Variants in LRRC43 observed in about 807,000 individuals in gnomAD.
LRRC43 encodes leucine-rich repeat-containing protein 43.
A neutral mutation model predicts 64.3 loss-of-function variants in LRRC43; 62 were observed. The observed-to-expected ratio is 0.96, with a 90% CI of 0.79 to 1.19. The LOEUF (loss-of-function observed/expected upper bound fraction) is 1.19. LRRC43 is among the 50% of genes most tolerant of loss of function. The pLI, the probability that LRRC43 is intolerant of heterozygous loss-of-function variation, is 0.00. For missense variants in LRRC43, 868 were observed against 845.0 expected (o/e 1.03, Z -0.34); for synonymous variants, 422 against 382.3 (o/e 1.10, Z -1.21).
chr12:122,178,724 C>T (rs1303280440), upstream of LRRC43, among the ~76,000 whole-genome samples: 4 of 150,420 alleles, frequency 2.7e-5, no homozygotes, highest in Non-Finnish European at 4.4e-5. Flanking sequence ...CTTGAGTAGC[C>T]GGGATTACAG....
At chr12:122,172,416 G>A in intron 1 of LRRC43, 1 of 1,610,640 alleles carries the variant, frequency 6.2e-7, no homozygotes, top group Non-Finnish European at 8.5e-7. Flanking sequence ...ATGGCCTTAA[G>A]TGGTGGCCTG....
chr12:122,191,560 T>G lies in LRRC43; in HGVS notation c.1082T>G (p.Leu361Arg), dbSNP rs202189549. 163 of 1,613,542 alleles carry G rather than the reference T, an allele frequency of 1.0e-4. No individual in the cohort carries two copies. The African/African-American group carries it at 2.0e-3, about 20-fold the overall frequency. The part of the protein sequence containing the change: ...EGEMNESAGV[L>R]AEIVKPSPSL... Reference sequence around the variant, plus strand: ...GAAATGAATGAGTCCGCGGGCGTCCTGGCCGAGGTGTGCCCTGGTCTGTCC... The same window carrying G: ...GAAATGAATGAGTCCGCGGGCGTCCGGGCCGAGGTGTGCCCTGGTCTGTCC... The change falls in exon 6 of 12, where the codon CTG (leucine) becomes CGG (arginine). Residue 361 changes from leucine to arginine, a missense_variant. Leu to Arg is a moderately radical substitution (Grantham distance 102, BLOSUM62 -2). Transcript: ENST00000339777.
chr12:122,194,702 C>G (rs1953757843), intron 7 of LRRC43, among the ~76,000 whole-genome samples: 1 of 152,076 alleles, frequency 6.6e-6, no homozygotes, highest in Admixed American at 6.6e-5. Flanking sequence ...AACTCCTGAT[C>G]TCAAGCAATC....
At chr12:122,174,687 A>G (rs368957472) in intron 1 of LRRC43, among the ~76,000 whole-genome samples, 3 of 152,092 alleles carry the variant, frequency 2.0e-5, no homozygotes, top group Non-Finnish European at 2.9e-5. Flanking sequence ...GGACGGCCCC[A>G]TAACTGCTGT....
intron 1 of LRRC43, among the ~76,000 whole-genome samples, chr12:122,174,559 G>A (rs557359397): frequency 1.6e-4 from 24 of 152,332 alleles, no homozygotes; most frequent in African/African-American, 5.5e-4. Context: ...TGACTTCCAG[G>A]AGTTCAAGGC....
At chr12:122,191,613 G>A in intron 6 of LRRC43, 46 bp downstream of exon 6, 2 of 1,459,494 alleles carry the variant, frequency 1.4e-6, no homozygotes, top group East Asian at 4.7e-5. Flanking sequence ...TCTTGTGAAG[G>A]CTGAACTGCT....
Position 122,184,846 on chromosome 12 carries a change from G to A in LRRC43, c.411+67G>A. On this transcript the variant is annotated intron_variant, in intron 2 of 11. Transcript: ENST00000339777. The surrounding 1 kb of genome is among the most constrained non-coding windows in gnomAD (Gnocchi z 4.0). ...TCCCCTAAGGGAGGTTGTGGGGAGG[G>A]CACCCTTCCCCACAGCGCGTCAGGG... 6.6e-7 allele frequency: 1 copy of A among 1,519,378 alleles called. No homozygotes were observed. The allele number at this position is 1,519,378 out of a possible 1,614,324, so 94.1% of individuals were successfully genotyped here.
At chr12:122,174,916 C>T (rs976978307) in intron 1 of LRRC43, among the ~76,000 whole-genome samples, 1 of 151,628 alleles carries the variant, frequency 6.6e-6, no homozygotes, top group Non-Finnish European at 1.5e-5. Context: ...TCACTGCAAC[C>T]TCTGTCTCCT....
chr12:122,174,532 T>C (rs1953520063), intron 1 of LRRC43, among the ~76,000 whole-genome samples: 1 of 152,116 alleles, frequency 6.6e-6, no homozygotes, highest in Non-Finnish European at 1.5e-5. Flanking sequence ...GACACGACCA[T>C]ACCACCAAGG....
upstream of LRRC43, among the ~76,000 whole-genome samples, chr12:122,179,506 A>G (rs1187957273): frequency 1.3e-5 from 2 of 152,076 alleles, no homozygotes; most frequent in East Asian, 1.9e-4. Context: ...GTAGGAAGGA[A>G]CTACAGATGT....
upstream of LRRC43, chr12:122,167,736 T>G (rs1179390576): frequency 1.3e-5 from 2 of 152,144 alleles, no homozygotes; most frequent in Non-Finnish European, 2.9e-5. Flanking sequence ...GTCTGTGCTA[T>G]CCAATGAGGT....
At chr12:122,183,074 T>TGA, upstream of LRRC43, 1 of 1,495,992 alleles carries the variant, frequency 6.7e-7, no homozygotes, top group Non-Finnish European at 8.9e-7. Flanking sequence ...TCGGGGCAGG[T>TGA]GAGAGCGCCT....
chr12:122,192,907 T>C lies in LRRC43; in HGVS notation c.1252T>C (p.Ser418Pro). Residue 418 changes from serine (S) to proline (P), a missense_variant, in exon 7 of 12, where the codon TCG (serine) becomes CCG (proline). Transcript: ENST00000339777. ...ESGESELSVI[S>P]GPSTILQMPR... ...AGGAGAGTCGGAGCTGTCTGTCATC[T>C]CGGGGCCTTCGACCATCTTGCAGAT... The C allele has an allele frequency of 6.2e-7, 1 of 1,614,166 alleles. No individual in the cohort carries two copies. Among genetic ancestry groups the C allele is most frequent in the Non-Finnish European group, 8.5e-7 (1 of 1,180,028 alleles).
At chr12:122,172,281 T>A (rs1387230595) in intron 1 of LRRC43, 1 of 669,848 alleles carries the variant, frequency 1.5e-6, no homozygotes, top group Admixed American at 2.8e-5. Context: ...GACTAGCCCA[T>A]ATGAGGGGTC....
chr12:122,185,958 T>C (rs1033210562), intron 2 of LRRC43, among the ~76,000 whole-genome samples: 1 of 152,146 alleles, frequency 6.6e-6, no homozygotes, highest in South Asian at 2.1e-4. Flanking sequence ...ACACAGGTCA[T>C]TGGCCTAGAA....
In LRRC43 at chr12:122,184,841, G is replaced by T. The variant is rs1953624987; in HGVS notation, c.411+62G>T. ...GCCGCTCCCCTAAGGGAGGTTGTGG[G>T]GAGGGCACCCTTCCCCACAGCGCGT... On this transcript the variant is annotated intron_variant, in intron 2 of 11. Coordinates refer to ENST00000339777, the MANE Select transcript of LRRC43 (RefSeq NM_001098519.2). This position sits in a 1 kb window ranked among gnomAD's most constrained non-coding sequence, Gnocchi z 4.0. 48 of 1,533,124 alleles carry T rather than the reference G, an allele frequency of 3.1e-5. No homozygotes were observed. The South Asian group carries it at 5.5e-4, about 18-fold the overall frequency. The allele number at this position is 1,533,124 out of a possible 1,614,324, so 95.0% of individuals were successfully genotyped here. A position where few individuals can be genotyped will look rare whatever the true frequency, so the allele number is the denominator to read the frequency against.
intron 7 of LRRC43, among the ~76,000 whole-genome samples, chr12:122,199,278 C>CTTTTTT (rs1165454881): frequency 8.1e-5 from 7 of 86,154 alleles, no homozygotes; most frequent in African/African-American, 2.2e-4. Context: ...ATTGTTTCAG[C>CTTTTTT]TTTTTTTTTT....
intron 4 of LRRC43, among the ~76,000 whole-genome samples, chr12:122,189,700 A>G (rs1472480662): frequency 1.3e-5 from 2 of 151,796 alleles, no homozygotes; most frequent in Non-Finnish European, 2.9e-5. Context: ...CCCACTCCCC[A>G]GCATCAACCC....
chr12:122,172,479 T>C, intron 1 of LRRC43: 1 of 1,614,172 alleles, frequency 6.2e-7, no homozygotes, highest in Non-Finnish European at 8.5e-7. Flanking sequence ...CTCTGAAAAC[T>C]GTTGAGAAAT....
Sources: gnomAD v4.1 joint callset for allele counts (sites outside exome capture counted in the v4.1 genomes callset) on GRCh38, gnomAD v4.1.1 for gene constraint, Gnocchi (gnomAD v3.1) non-coding constraint, MANE v1.5 for transcripts, NCBI Gene and HGNC (gene_info 2026-07-23, HGNC 2026-07-21) for gene names.